The following SLC28A3 variants were observed in gnomAD, a reference collection of about 807,000 sequenced individuals.
SLC28A3 encodes concentrative Na(+)-nucleoside cotransporter 3.
SLC28A3 carries 68 observed loss-of-function variants against 84.2 expected under a neutral mutation model. That is an observed-to-expected ratio of 0.81 (90% CI 0.66 to 0.99). The LOEUF is 0.99. Among genes scored for constraint, SLC28A3 ranks in the 50% least tolerant of loss-of-function variants. The probability of loss-of-function intolerance (pLI) is 0.00; values close to 1 mark genes in which losing one functional copy is unlikely to be tolerated. For synonymous variants in SLC28A3, 267 were observed against 303.6 expected (o/e 0.88, Z 1.25); for missense variants, 712 against 841.5 (o/e 0.85, Z 1.90).
At chr9:84,349,722 G>A in the SLC28A3 span, among the ~76,000 whole-genome samples, 1 of 152,194 alleles carries the variant, frequency 6.6e-6, no homozygotes, top group Non-Finnish European at 1.5e-5. Flanking sequence ...ACCATTACAT[G>A]TGGTTGAATG....
At chr9:84,291,341 T>G (rs1362947519) in intron 10 of SLC28A3, among the ~76,000 whole-genome samples, 5 of 152,144 alleles carry the variant, frequency 3.3e-5, no homozygotes. Context: ...AGCATAGGTT[T>G]TTTTTCTTTT....
rs35729465 is a variant in SLC28A3 at position 84,305,202 on chromosome 9, GAAA to G, written c.334+49_334+51del. 3,150 of 1,159,210 alleles carry G rather than the reference GAAA, an allele frequency of 2.7e-3. 1 individual carries two copies. Among genetic ancestry groups the G allele is most frequent in the South Asian group, 4.5e-3 (314 of 70,078 alleles). The allele number at this position is 1,159,210 out of a possible 1,614,324, so 71.8% of individuals were successfully genotyped here. On this transcript the variant is annotated intron_variant, in intron 4 of 17. Transcript: ENST00000376238. ...AAAGTTAATATTTGGGGGAATCCCT[GAAA>G]AAAAAAAAAAAAAAGACAGTGGTAT...
chr9:84,322,221 C>A (rs1826403891), intron 1 of SLC28A3, among the ~76,000 whole-genome samples: 1 of 152,094 alleles, frequency 6.6e-6, no homozygotes, highest in Non-Finnish European at 1.5e-5. Flanking sequence ...TTATTAAATT[C>A]TATTGTTGGA....
At chr9:84,357,170 A>C in the SLC28A3 span, among the ~76,000 whole-genome samples, 1 of 152,178 alleles carries the variant, frequency 6.6e-6, no homozygotes, top group African/African-American at 2.4e-5. Flanking sequence ...TAGGGGTTTA[A>C]TAGATATCAG....
At chr9:84,354,615 C>T in the SLC28A3 span, among the ~76,000 whole-genome samples, 1 of 152,184 alleles carries the variant, frequency 6.6e-6, no homozygotes, top group Non-Finnish European at 1.5e-5. Context: ...TAGGAGGCTG[C>T]GGCAGGCAGA....
chr9:84,287,150 C>A (rs1319488865), intron 12 of SLC28A3, among the ~76,000 whole-genome samples: 2 of 139,476 alleles, frequency 1.4e-5, no homozygotes, highest in Non-Finnish European at 3.0e-5. Flanking sequence ...CAGAGTGAGA[C>A]CCTGTCAAAA....
intron 2 of SLC28A3, among the ~76,000 whole-genome samples, chr9:84,311,614 G>A (rs1490119354): frequency 1.3e-5 from 2 of 152,086 alleles, no homozygotes; most frequent in Non-Finnish European, 2.9e-5. Context: ...CACTTTGGGA[G>A]GCCAAGGCAG....
intron 1 of SLC28A3, among the ~76,000 whole-genome samples, chr9:84,337,131 TAATA>T (rs1416396882): frequency 6.6e-6 from 1 of 152,094 alleles, no homozygotes; most frequent in Non-Finnish European, 1.5e-5. Context: ...ATATAAAAAA[TAATA>T]AATATAAGAA....
chr9:84,340,007 C>T (rs970390892), intron 1 of SLC28A3, among the ~76,000 whole-genome samples: 3 of 152,200 alleles, frequency 2.0e-5, no homozygotes, highest in African/African-American at 4.8e-5. Context: ...ATCCCCATCC[C>T]AGACCCAGTC....
intron 1 of SLC28A3, among the ~76,000 whole-genome samples, chr9:84,333,098 G>A (rs534002255): frequency 1.3e-5 from 2 of 152,266 alleles, no homozygotes; most frequent in South Asian, 2.1e-4. Flanking sequence ...GAGAAAGGGC[G>A]GGATAGTGAG....
chr9:84,349,059 G>C, the SLC28A3 span, among the ~76,000 whole-genome samples: 8 of 152,150 alleles, frequency 5.3e-5, no homozygotes, highest in Non-Finnish European at 1.2e-4. Context: ...GAGCAACAAG[G>C]CTGTTTATTT....
chr9:84,364,836 G>A, the SLC28A3 span, among the ~76,000 whole-genome samples: 1 of 152,052 alleles, frequency 6.6e-6, no homozygotes, highest in Non-Finnish European at 1.5e-5. Context: ...CTATGCTGTT[G>A]CAAATGACTG....
intron 14 of SLC28A3, among the ~76,000 whole-genome samples, chr9:84,282,594 G>A (rs1824800550): frequency 6.6e-6 from 1 of 152,142 alleles, no homozygotes; most frequent in Non-Finnish European, 1.5e-5. Context: ...AGATGAATTC[G>A]TGAAAGCAAG....
chr9:84,366,247 T>C, the SLC28A3 span, among the ~76,000 whole-genome samples: 13,286 of 152,098 alleles, frequency 0.087, 733 homozygotes, highest in East Asian at 0.17. Context: ...TTTTAAACTA[T>C]TTCAATCTCT....
At chr9:84,342,733 A>G (rs747756288), upstream of SLC28A3, among the ~76,000 whole-genome samples, 19 of 152,142 alleles carry the variant, frequency 1.2e-4, 1 homozygote, top group South Asian at 3.9e-3. Flanking sequence ...ATTTTAAAGG[A>G]AAAGAAGGAG....
Position 84,285,399 on chromosome 9 carries a change from G to A in SLC28A3, c.1593C>T (p.His531=). The A allele has an allele frequency of 1.2e-6, 2 of 1,614,088 alleles. No individual in the cohort carries two copies. The highest frequency in any genetic ancestry group is 1.7e-6 in the Non-Finnish European group (2 of 1,179,974). ...VAYEHLSKWI[H]LRKEGGPKFV... is the part of the protein sequence containing the mutation. The stretch of plus-strand genomic sequence containing the variant: ...ATTTGGGTCCACCTTCTTTCCTCAA[G>A]TGGATCCATTTTGAGAGGTGCTCAT... The change falls in exon 14 of 18, where the codon CAC becomes CAT. Residue 531 remains histidine (H), a synonymous_variant. Coordinates refer to ENST00000376238, the MANE Select transcript of SLC28A3 (RefSeq NM_001199633.2).
Position 84,339,207 on chromosome 9 carries a change from C to T in SLC28A3, c.60+1367G>A, listed in dbSNP as rs372427647. Among the ~76,000 whole-genome samples, 9 of 151,994 alleles carry T rather than the reference C, an allele frequency of 5.9e-5. No homozygotes were observed. In the East Asian group the frequency reaches 9.7e-4, roughly 16 times the overall value. On this transcript the variant is annotated intron_variant, in intron 1 of 17. Transcript: ENST00000376238. ...AGCTCCTGAGTCTATTAGGTTTTTC[C>T]GTTTCTTTTATGTGAGGCTCTCATA...
the SLC28A3 span, among the ~76,000 whole-genome samples, chr9:84,362,910 C>T: frequency 2.0e-5 from 3 of 151,888 alleles, no homozygotes; most frequent in African/African-American, 7.2e-5. Context: ...CATTAAATAA[C>T]AGATTTATAA....
chr9:84,322,370 A>G (rs911560424), intron 1 of SLC28A3, among the ~76,000 whole-genome samples: 4 of 152,230 alleles, frequency 2.6e-5, no homozygotes, highest in Non-Finnish European at 5.9e-5. Context: ...TGCTTCTGCT[A>G]TCATTGGTTT....
Sources: allele counts gnomAD v4.1 joint callset (sites outside exome capture counted in the v4.1 genomes callset), GRCh38; gene constraint gnomAD v4.1.1; transcripts MANE v1.5; gene names NCBI Gene and HGNC (gene_info 2026-07-23, HGNC 2026-07-21).